Variants in RYR2 observed in about 807,000 individuals in gnomAD.
RYR2 encodes ryanodine receptor 2.
RYR2 carries 227 observed loss-of-function variants against 601.1 expected under a neutral mutation model. The ratio of observed to expected loss-of-function variants is 0.38; its 90% CI spans 0.34 to 0.42. The LOEUF is 0.42. Ranked by LOEUF, RYR2 falls within the 10% of genes least tolerant of loss-of-function variation. RYR2 has a pLI of 1.00. For synonymous variants in RYR2, 2,223 were observed against 2,175.1 expected, an observed-to-expected ratio of 1.02 and a Z score of -0.61; for missense variants, 4,646 against 6,156.5, an observed-to-expected ratio of 0.75 and a Z score of 8.21.
At chr1:237,589,665 C>T (rs771045262) in intron 29 of RYR2, 128 bp from the exon 30 acceptor site, 8 of 741,304 alleles carry the variant, frequency 1.1e-5, no homozygotes, top group Non-Finnish European at 1.8e-5. Flanking sequence ...CCCTTTATTA[C>T]ACTACTTTTT....
chr1:237,485,357 TG>T (rs1366389608), intron 17 of RYR2, among the ~76,000 whole-genome samples: 1 of 152,214 alleles, frequency 6.6e-6, no homozygotes, highest in African/African-American at 2.4e-5. Flanking sequence ...TGACCTTCCC[TG>T]GGTCAGAGTG....
chr1:237,673,241 A>G (rs1006507584), intron 58 of RYR2, among the ~76,000 whole-genome samples: 1 of 152,186 alleles, frequency 6.6e-6, no homozygotes, highest in Admixed American at 6.6e-5. Context: ...TGTGAGGCAT[A>G]CCATGCTATT....
intron 24 of RYR2, among the ~76,000 whole-genome samples, chr1:237,517,882 T>C (rs1666715325): frequency 6.6e-6 from 1 of 152,152 alleles, no homozygotes; most frequent in South Asian, 2.1e-4. Flanking sequence ...CATAACATTC[T>C]CAGATGCCAA....
intron 3 of RYR2, chr1:237,333,513 G>A (rs939039321): frequency 1.8e-5 from 8 of 439,916 alleles, no homozygotes; most frequent in Admixed American, 1.5e-4. Context: ...CCCCTGGGGT[G>A]GTCAGGGTTA....
chr1:237,670,007 C>T (rs974483327), intron 58 of RYR2, among the ~76,000 whole-genome samples: 1 of 152,124 alleles, frequency 6.6e-6, no homozygotes, highest in Non-Finnish European at 1.5e-5. Context: ...CCATTGAGCA[C>T]TGAGTGAACG....
At chr1:237,268,720 G>A (rs1309720798) in intron 1 of RYR2, among the ~76,000 whole-genome samples, 2 of 151,690 alleles carry the variant, frequency 1.3e-5, no homozygotes, top group African/African-American at 2.4e-5. Context: ...GGCGGATCAC[G>A]AGGTCAGGAG....
At chr1:237,293,123 G>T (rs184511253) in intron 2 of RYR2, among the ~76,000 whole-genome samples, 1 of 152,086 alleles carries the variant, frequency 6.6e-6, no homozygotes, top group Non-Finnish European at 1.5e-5. Context: ...ACTCAATTTT[G>T]ACATCATCAT....
In RYR2 at chr1:237,730,287, G is replaced by A; in HGVS notation, c.10866G>A (p.Gln3622=). The A allele has an allele frequency of 6.2e-7, 1 of 1,607,466 alleles. No individual in the cohort carries two copies. Among genetic ancestry groups the A allele is most frequent in the African/African-American group, 1.3e-5 (1 of 74,870 alleles). ...PRHRAVNLFL[Q]GYEKSWIETE... ...ATCGGGCTGTCAATCTCTTTCTTCA[G>A]GGATATGAAAAGTCTTGGATTGAAA... Residue 3622 remains glutamine, a synonymous_variant, in exon 77 of 105, where the codon CAG becomes CAA. Coordinates refer to ENST00000366574, the MANE Select transcript of RYR2 (RefSeq NM_001035.3).
intron 11 of RYR2, among the ~76,000 whole-genome samples, chr1:237,418,163 C>A (rs1705200748): frequency 6.6e-6 from 1 of 152,118 alleles, no homozygotes; most frequent in Non-Finnish European, 1.5e-5. Context: ...CTGCCTCAGC[C>A]TCCCGAGTAG....
At chr1:237,591,936 A>G (rs1366890345) in intron 32 of RYR2, 83 bp downstream of exon 32, 1 of 902,572 alleles carries the variant, frequency 1.1e-6, no homozygotes, top group Non-Finnish European at 1.7e-6. Flanking sequence ...CCGATTCATC[A>G]TACTTAGTAA....
chr1:237,463,275 G>A (rs1659689619), intron 16 of RYR2, among the ~76,000 whole-genome samples: 1 of 152,042 alleles, frequency 6.6e-6, no homozygotes, highest in African/African-American at 2.4e-5. Context: ...CATTTCCTCT[G>A]TACCTCCAGC....
At chr1:237,565,086 CCTT>C (rs1000233091) in intron 27 of RYR2, among the ~76,000 whole-genome samples, 17 of 151,542 alleles carry the variant, frequency 1.1e-4, no homozygotes, top group African/African-American at 3.9e-4. Flanking sequence ...ATAGGAACTT[CCTT>C]CTTCTCTTTT....
chr1:237,717,238 A>G lies in RYR2; in HGVS notation c.10364A>G (p.Lys3455Arg), dbSNP rs1573649552. The change falls in exon 72 of 105, where the codon AAA (lysine) becomes AGA (arginine). Residue 3455 changes from lysine (K) to arginine (R), a missense_variant. By Grantham distance (26) the Lys-to-Arg change is conservative. Coordinates refer to ENST00000366574, the MANE Select transcript of RYR2 (RefSeq NM_001035.3). The part of the protein sequence containing the change: ...SDQERKKMKR[K>R]GDRYSMQTSL... ...CAGGAAAGGAAGAAAATGAAGCGCA[A>G]AGGAGATCGGTATTCCATGCAGACC... The G allele has an allele frequency of 1.2e-6, 2 of 1,613,784 alleles. No homozygotes were observed. Among genetic ancestry groups the G allele is most frequent in the East Asian group, 2.2e-5 (1 of 44,874 alleles).
At chr1:237,326,318 C>T (rs1696168884) in intron 2 of RYR2, among the ~76,000 whole-genome samples, 1 of 151,930 alleles carries the variant, frequency 6.6e-6, no homozygotes, top group South Asian at 2.1e-4. Flanking sequence ...ATGCTGCTGG[C>T]TTAAAGTCTG....
At chr1:237,663,340 A>G (rs932917576) in intron 56 of RYR2, among the ~76,000 whole-genome samples, 2 of 152,228 alleles carry the variant, frequency 1.3e-5, no homozygotes, top group Non-Finnish European at 2.9e-5. Context: ...CTTCTGACTA[A>G]AGGAACACTT....
At chr1:237,170,178 A>G (rs1340682306) in intron 1 of RYR2, among the ~76,000 whole-genome samples, 1 of 152,202 alleles carries the variant, frequency 6.6e-6, no homozygotes, top group Non-Finnish European at 1.5e-5. Context: ...TGGGAGTAAA[A>G]AGGAGGAAAA....
At chr1:237,226,120 G>A in intron 1 of RYR2, among the ~76,000 whole-genome samples, 1 of 152,098 alleles carries the variant, frequency 6.6e-6, no homozygotes, top group East Asian at 1.9e-4. Context: ...CTGGAATCTA[G>A]TGAAAAGTTC....
chr1:237,183,521 C>T (rs77318967), intron 1 of RYR2, among the ~76,000 whole-genome samples: 12,217 of 152,244 alleles, frequency 0.08, 556 homozygotes, highest in East Asian at 0.14. Context: ...GGCATGGAAC[C>T]ACTGAGCACC....
chr1:237,657,956 T>C lies in RYR2; in HGVS notation c.8142T>C (p.Pro2714=). Residue 2714 remains proline, a synonymous_variant, in exon 54 of 105, where the codon CCT becomes CCC. Transcript: ENST00000366574. ...ACTTTTCTCATAGTATTACAATTCC[T>C]GAGAAATTGGAATACTTCATTAACA... is the stretch of plus-strand genomic sequence containing the variant. ...QPVDTSNITI[P]EKLEYFINKY... is the part of the protein sequence containing the mutation. The C allele has an allele frequency of 6.6e-7, 1 of 1,509,038 alleles. No individual in the cohort carries two copies. 93.5% of individuals were successfully genotyped at this position (1,509,038 alleles called of 1,614,324 possible). A position where few individuals can be genotyped will look rare whatever the true frequency, so the allele number is the denominator to read the frequency against.
Sources: gnomAD v4.1 joint callset for allele counts (sites outside exome capture counted in the v4.1 genomes callset) on GRCh38, gnomAD v4.1.1 for gene constraint, MANE v1.5 for transcripts, NCBI Gene and HGNC (gene_info 2026-07-23, HGNC 2026-07-21) for gene names.